ERH: variants seen among roughly 807,000 people sequenced by gnomAD.
The protein encoded by ERH is enhancer of rudimentary homolog.
A neutral mutation model predicts 16.8 loss-of-function variants in ERH; 1 was observed. That is an observed-to-expected ratio of 0.06 (90% CI 0.02 to 0.28). The LOEUF is 0.28. ERH is among the 10% of genes least tolerant of loss of function. The pLI, the probability that ERH is intolerant of heterozygous loss-of-function variation, is 1.00. For missense variants in ERH, 42 were observed against 127.5 expected (o/e 0.33, Z 3.23); for synonymous variants, 43 against 43.6 (o/e 0.99, Z 0.05).
At chr14:69,397,339 T>C (rs1229442906) in intron 1 of ERH, among the ~76,000 whole-genome samples, 1 of 152,002 alleles carries the variant, frequency 6.6e-6, no homozygotes, top group Non-Finnish European at 1.5e-5. Flanking sequence ...AGCTGGTCTC[T>C]GAGCTGAGCC....
chr14:69,390,041 GAGCCACCACGCCATGCAGAAAGTAA>G (rs1401350595), intron 2 of ERH, among the ~76,000 whole-genome samples: 1 of 152,176 alleles, frequency 6.6e-6, no homozygotes, highest in Non-Finnish European at 1.5e-5. Flanking sequence ...TAACAGGTGT[GAGCCACCACGCCATGCAGAAAGTAA>G]AGCCACCACA....
chr14:69,396,974 A>ATCTCAACT (rs1882354197), intron 1 of ERH, among the ~76,000 whole-genome samples: 1 of 152,248 alleles, frequency 6.6e-6, no homozygotes, highest in East Asian at 1.9e-4. Flanking sequence ...CCTATACACT[A>ATCTCAACT]GCTATCTCAA....
chr14:69,395,838 A>T (rs1304158360), intron 1 of ERH, among the ~76,000 whole-genome samples: 1 of 152,216 alleles, frequency 6.6e-6, no homozygotes, highest in African/African-American at 2.4e-5. Context: ...ATCACACAGA[A>T]AGTTAGGTCA....
chr14:69,394,858 C>A lies in ERH; in HGVS notation c.58G>T (p.Ala20Ser). 6.2e-7 allele frequency: 1 copy of A among 1,613,880 alleles called. No individual in the cohort carries two copies. The highest frequency in any genetic ancestry group is 8.5e-7 in the Non-Finnish European group (1 of 1,179,832). The change falls in exon 2 of 4, where the codon GCT becomes TCT. Residue 20 changes from alanine to serine, a missense_variant. Ala to Ser is a moderately conservative substitution (Grantham distance 99, BLOSUM62 1). Transcript: ENST00000557016. ...PTKRPEGRTY[A>S]DYESVNECME... ...CATTCATTCACAGATTCGTAGTCAG[C>A]ATAAGTTCTGCCTTCTGGCCTCTTG... is the stretch of plus-strand genomic sequence containing the variant.
intron 1 of ERH, among the ~76,000 whole-genome samples, chr14:69,396,839 A>G: frequency 6.6e-6 from 1 of 152,358 alleles, no homozygotes; most frequent in Non-Finnish European, 1.5e-5. Flanking sequence ...AGCCACAGAA[A>G]GCATCATATT....
At chr14:69,390,211 A>C (rs2045916181) in intron 2 of ERH, among the ~76,000 whole-genome samples, 1 of 152,252 alleles carries the variant, frequency 6.6e-6, no homozygotes, top group African/African-American at 2.4e-5. Context: ...CCAACAAGCT[A>C]ATCCTAAGTT....
chr14:69,393,378 G>A (rs990873232), intron 2 of ERH, among the ~76,000 whole-genome samples: 12 of 152,100 alleles, frequency 7.9e-5, no homozygotes, highest in Admixed American at 4.6e-4. Context: ...ATACACAACA[G>A]CAAAGTCATG....
At chr14:69,393,143 C>G (rs1882254572) in intron 2 of ERH, among the ~76,000 whole-genome samples, 1 of 152,126 alleles carries the variant, frequency 6.6e-6, no homozygotes, top group Non-Finnish European at 1.5e-5. Context: ...GTGGCGAAAC[C>G]CTGTCTTTAC....
chr14:69,381,604 C>A (rs1594885583), intron 3 of ERH, among the ~76,000 whole-genome samples: 1 of 152,006 alleles, frequency 6.6e-6, no homozygotes, highest in Non-Finnish European at 1.5e-5. Context: ...TACTGGGTGT[C>A]GCTTTAAATT....
intron 2 of ERH, among the ~76,000 whole-genome samples, chr14:69,390,833 A>G (rs1435428028): frequency 1.3e-5 from 2 of 152,258 alleles, no homozygotes; most frequent in Non-Finnish European, 2.9e-5. Context: ...TAATCACTCA[A>G]TGAAAAATAG....
chr14:69,386,779 C>T, intron 3 of ERH, 184 bp downstream of exon 3: 4 of 490,622 alleles, frequency 8.2e-6, no homozygotes, highest in African/African-American at 5.9e-5. Context: ...TTATTTTTTT[C>T]TGTGCCTTTG....
At chr14:69,389,656 A>G (rs551683078) in intron 2 of ERH, among the ~76,000 whole-genome samples, 1 of 152,378 alleles carries the variant, frequency 6.6e-6, no homozygotes, top group African/African-American at 2.4e-5. Flanking sequence ...AAGTCTGAAA[A>G]TAAAATTAAG....
chr14:69,387,735 C>T (rs1369505790), intron 2 of ERH, among the ~76,000 whole-genome samples: 1 of 145,540 alleles, frequency 6.9e-6, no homozygotes, highest in Admixed American at 6.8e-5. Flanking sequence ...AAGAGATTAT[C>T]CTAATGTATA....
chr14:69,387,389 C>T (rs774006411), intron 2 of ERH, among the ~76,000 whole-genome samples: 7 of 152,044 alleles, frequency 4.6e-5, no homozygotes, highest in Non-Finnish European at 7.4e-5. Flanking sequence ...AGGGAGACCT[C>T]ATCTCTACAA....
At chr14:69,395,955 A>T (rs983562272) in intron 1 of ERH, among the ~76,000 whole-genome samples, 3 of 152,234 alleles carry the variant, frequency 2.0e-5, no homozygotes, top group African/African-American at 7.2e-5. Flanking sequence ...CTAACAAATC[A>T]ATCTCAGTGT....
chr14:69,395,695 C>G (rs1882318771), intron 1 of ERH, among the ~76,000 whole-genome samples: 1 of 152,166 alleles, frequency 6.6e-6, no homozygotes, highest in South Asian at 2.1e-4. Context: ...AGGGGTTAGA[C>G]TTAACATTAA....
In ERH at chr14:69,397,531, A is replaced by C. The variant is rs570946526; in HGVS notation, c.3+700T>G. On this transcript the variant is annotated intron_variant, in intron 1 of 3. Coordinates refer to ENST00000557016, the MANE Select transcript of ERH (RefSeq NM_004450.3). ...AAGCAAATACGTCCTCTCCTGGCCC[A>C]CATGCTGGGTATAGCTGGATCTGTC... Among the ~76,000 whole-genome samples, 8 of 151,924 alleles carry C rather than the reference A, an allele frequency of 5.3e-5. No homozygotes were observed. The South Asian group carries it at 1.7e-3, about 32-fold the overall frequency.
intron 2 of ERH, among the ~76,000 whole-genome samples, chr14:69,392,031 G>C (rs1038844965): frequency 6.6e-6 from 1 of 151,900 alleles, no homozygotes; most frequent in South Asian, 2.1e-4. Flanking sequence ...GCACTAATAG[G>C]GGAAACTAAG....
At position 69,380,515 on chromosome 14, in the gene ERH, C is replaced by T. The variant is rs2045855956; in HGVS notation, c.*23G>A. On this transcript the variant is annotated 3_prime_UTR_variant, in exon 4 of 4. Transcript: ENST00000557016. ...CACCTGTGTTCCAAGCCCACCCCAA[C>T]CCCCCCAGTGCTTCCAACACAATTA... 5 of 897,764 alleles carry T rather than the reference C, an allele frequency of 5.6e-6. No homozygotes were observed. Among genetic ancestry groups the T allele is most frequent in the African/African-American group, 1.7e-5 (1 of 60,552 alleles). The allele number at this position is 897,764 out of a possible 1,614,324, so 55.6% of individuals were successfully genotyped here.
Sources: gnomAD v4.1 joint callset for allele counts (sites outside exome capture counted in the v4.1 genomes callset) on GRCh38, gnomAD v4.1.1 for gene constraint, MANE v1.5 for transcripts, NCBI Gene and HGNC (gene_info 2026-07-23, HGNC 2026-07-21) for gene names.